FHIP1A: variants seen among roughly 807,000 people sequenced by gnomAD.
FHIP1A encodes the protein FHF complex subunit HOOK interacting protein 1A.
Under a neutral mutation model 88.6 loss-of-function variants are expected in FHIP1A, and 61 were observed. The ratio of observed to expected loss-of-function variants is 0.69; its 90% CI spans 0.56 to 0.85. The LOEUF (loss-of-function observed/expected upper bound fraction) is 0.85. Among genes scored for constraint, FHIP1A ranks in the 40% least tolerant of loss-of-function variants. The pLI, the probability that FHIP1A is intolerant of heterozygous loss-of-function variation, is 0.00. For synonymous variants in FHIP1A, 478 were observed against 496.0 expected, an observed-to-expected ratio of 0.96 and a Z score of 0.48; for missense variants, 1,154 against 1,273.5, an observed-to-expected ratio of 0.91 and a Z score of 1.43.
rs575604913 is a variant in FHIP1A, at chr4:151,588,891, T to G, written c.943T>G (p.Phe315Val). 1.9e-6 allele frequency: 3 copies of G among 1,550,882 alleles called. No homozygotes were observed. The highest frequency in any genetic ancestry group is 2.6e-6 in the Non-Finnish European group (3 of 1,146,426). Residue 315 changes from phenylalanine (F) to valine (V), a missense_variant, in exon 7 of 14, where the codon TTT (phenylalanine) becomes GTT (valine). Physicochemically the swap from Phe to Val is conservative, Grantham distance 50. Transcript: ENST00000435205. Reference protein sequence around the residue: ...NQLVNYIYNGFLVPVLAPALH... With the variant: ...NQLVNYIYNGVLVPVLAPALH... ...GCTTGTCAATTACATTTACAATGGA[T>G]TTTTGGTACCAGTCTTGGCTCCTGC... is the stretch of plus-strand genomic sequence containing the variant.
At chr4:151,441,323 CTTT>C (rs138231798) in intron 1 of FHIP1A, among the ~76,000 whole-genome samples, 3 of 142,870 alleles carry the variant, frequency 2.1e-5, no homozygotes, top group Non-Finnish European at 4.6e-5. Flanking sequence ...GTCCTTTCTA[CTTT>C]TTTTTTTTTT....
chr4:151,448,846 G>A (rs1029207084), intron 1 of FHIP1A, among the ~76,000 whole-genome samples: 4 of 152,100 alleles, frequency 2.6e-5, no homozygotes, highest in South Asian at 2.1e-4. Flanking sequence ...TGGATCATAT[G>A]GAAGTTTTAT....
intron 3 of FHIP1A, among the ~76,000 whole-genome samples, chr4:151,487,779 G>C (rs1344442830): frequency 6.6e-6 from 1 of 152,188 alleles, no homozygotes; most frequent in Non-Finnish European, 1.5e-5. Context: ...ACCACATAGA[G>C]TTTAAGAAAT....
At chr4:151,445,264 C>T (rs1287477025) in intron 1 of FHIP1A, among the ~76,000 whole-genome samples, 5 of 152,104 alleles carry the variant, frequency 3.3e-5, no homozygotes, top group African/African-American at 1.2e-4. Context: ...AGGGTCCCAG[C>T]ATAGGAACCT....
intron 3 of FHIP1A, among the ~76,000 whole-genome samples, chr4:151,532,789 T>C (rs1731925094): frequency 6.6e-6 from 1 of 152,150 alleles, no homozygotes; most frequent in East Asian, 1.9e-4. Flanking sequence ...CTTAGAGTCA[T>C]GGCGGGAGGT....
At chr4:151,596,420 G>A (rs1422335135) in intron 7 of FHIP1A, among the ~76,000 whole-genome samples, 1 of 152,194 alleles carries the variant, frequency 6.6e-6, no homozygotes, top group Non-Finnish European at 1.5e-5. Context: ...CCCTTTGTGG[G>A]TAGCTTGACC....
chr4:151,590,826 A>G (rs928580297), intron 7 of FHIP1A, among the ~76,000 whole-genome samples: 1 of 152,206 alleles, frequency 6.6e-6, no homozygotes, highest in African/African-American at 2.4e-5. Flanking sequence ...TTGAAACCAT[A>G]AAGTTAATAC....
At chr4:151,536,182 G>A (rs939680450) in intron 3 of FHIP1A, among the ~76,000 whole-genome samples, 10 of 152,144 alleles carry the variant, frequency 6.6e-5, no homozygotes, top group African/African-American at 2.2e-4. Context: ...TATACAGAGA[G>A]ATCCTTCCTA....
At chr4:151,628,917 T>A (rs1049810795) in intron 7 of FHIP1A, among the ~76,000 whole-genome samples, 1 of 152,196 alleles carries the variant, frequency 6.6e-6, no homozygotes, top group African/African-American at 2.4e-5. Context: ...TGTTTAAGGT[T>A]AGAATTTTGA....
chr4:151,578,052 C>T lies in FHIP1A; in HGVS notation c.708C>T (p.Ile236=), dbSNP rs1010062547. Reference sequence around the variant, plus strand: ...AGAACACCATGGTGGCCCATCACATCGTGGAGAACACCTACTTTTGTCCAG... The same window carrying T: ...AGAACACCATGGTGGCCCATCACATTGTGGAGAACACCTACTTTTGTCCAG... ...SAENTMVAHH[I]VENTYFCPVL... is the part of the protein sequence containing the mutation. Residue 236 remains isoleucine (I), a synonymous_variant, in exon 5 of 14, where the codon ATC becomes ATT. Coordinates refer to ENST00000435205, the MANE Select transcript of FHIP1A (RefSeq NM_001109977.3). The T allele has an allele frequency of 2.6e-6, 4 of 1,550,674 alleles. No homozygotes were observed. Among genetic ancestry groups the T allele is most frequent in the South Asian group, 1.2e-5 (1 of 84,020 alleles).
intron 11 of FHIP1A, among the ~76,000 whole-genome samples, chr4:151,652,944 G>A (rs1369886762): frequency 6.6e-6 from 1 of 152,218 alleles, no homozygotes; most frequent in Non-Finnish European, 1.5e-5. Flanking sequence ...TTAAAGTTGA[G>A]GAATGATGTG....
At chr4:151,487,979 C>T (rs1730145722) in intron 3 of FHIP1A, among the ~76,000 whole-genome samples, 1 of 152,152 alleles carries the variant, frequency 6.6e-6, no homozygotes, top group South Asian at 2.1e-4. Flanking sequence ...CTTGAGTTCA[C>T]CTGCTAAATC....
rs189932190 is a variant in FHIP1A, at chr4:151,549,735, A to G, written c.-122-16403A>G. On this transcript the variant is annotated intron_variant, in intron 3 of 13. Transcript: ENST00000435205. ...AACTTGCTTACACTTTACTCTATGG[A>G]CTCACCTTGAATTCTTGCATGAGAT... is the stretch of plus-strand genomic sequence containing the variant. Among the ~76,000 whole-genome samples the G allele has an allele frequency of 8.3e-3, 1,261 of 151,998 alleles. 19 individuals carry two copies. Among genetic ancestry groups the G allele is most frequent in the African/African-American group, 0.029 (1,221 of 41,418 alleles).
chr4:151,649,195 C>T (rs559595856), intron 10 of FHIP1A, among the ~76,000 whole-genome samples: 2 of 152,192 alleles, frequency 1.3e-5, no homozygotes, highest in South Asian at 2.1e-4. Flanking sequence ...TCTAATGACT[C>T]GTACCAGATA....
chr4:151,551,790 T>G (rs1388345123), intron 3 of FHIP1A, among the ~76,000 whole-genome samples: 1 of 152,166 alleles, frequency 6.6e-6, no homozygotes, highest in Non-Finnish European at 1.5e-5. Flanking sequence ...ACTTCATGTC[T>G]AAAACACCAA....
chr4:151,516,842 C>A (rs111343306), intron 3 of FHIP1A, among the ~76,000 whole-genome samples: 77,023 of 149,354 alleles, frequency 0.52, 20,230 homozygotes, highest in African/African-American at 0.55. Flanking sequence ...GAACACTTTT[C>A]CACTGTTGGT....
At chr4:151,565,107 C>T (rs1447706349) in intron 3 of FHIP1A, among the ~76,000 whole-genome samples, 1 of 145,060 alleles carries the variant, frequency 6.9e-6, no homozygotes, top group African/African-American at 2.4e-5. Flanking sequence ...AGTCTACAAA[C>T]TTTTATTATG....
intron 4 of FHIP1A, among the ~76,000 whole-genome samples, chr4:151,568,400 C>G (rs1398195678): frequency 6.6e-6 from 1 of 152,076 alleles, no homozygotes; most frequent in Non-Finnish European, 1.5e-5. Flanking sequence ...TGTTTTTAAC[C>G]TTTTTTTAGG....
At chr4:151,430,278 T>C (rs758751034) in intron 1 of FHIP1A, among the ~76,000 whole-genome samples, 5 of 152,220 alleles carry the variant, frequency 3.3e-5, no homozygotes, top group Non-Finnish European at 5.9e-5. Flanking sequence ...TGTTTTTTAC[T>C]AGAAAGGAAT....
Sources: gnomAD v4.1 joint callset for allele counts (sites outside exome capture counted in the v4.1 genomes callset) on GRCh38, gnomAD v4.1.1 for gene constraint, MANE v1.5 for transcripts, NCBI Gene and HGNC (gene_info 2026-07-23, HGNC 2026-07-21) for gene names.